Variants in WSCD1 observed in about 807,000 individuals in gnomAD.
The protein encoded by WSCD1 is sialate:O-sulfotransferase 1.
WSCD1 carries 41 observed loss-of-function variants against 60.4 expected under a neutral mutation model. The observed-to-expected ratio is 0.68, with a 90% CI of 0.53 to 0.88. The LOEUF (loss-of-function observed/expected upper bound fraction) is 0.88. Ranked by LOEUF, WSCD1 falls within the 40% of genes least tolerant of loss-of-function variation. The pLI is 0.00. For missense variants in WSCD1, 784 were observed against 796.2 expected (o/e 0.98, Z 0.18); for synonymous variants, 361 against 332.5 (o/e 1.09, Z -0.93).
At chr17:6,078,998 T>C (rs1023250729) in intron 1 of WSCD1, among the ~76,000 whole-genome samples, 6 of 152,180 alleles carry the variant, frequency 3.9e-5, no homozygotes, top group Non-Finnish European at 8.8e-5. Flanking sequence ...CCACCTTCAT[T>C]TGCTGATTAC....
chr17:6,083,886 C>A (rs1426164877), intron 2 of WSCD1, among the ~76,000 whole-genome samples: 2 of 152,140 alleles, frequency 1.3e-5, no homozygotes, highest in Non-Finnish European at 2.9e-5. Context: ...AGTGAGCCCC[C>A]CTTTACTTTA....
intron 5 of WSCD1, among the ~76,000 whole-genome samples, chr17:6,097,912 C>T (rs543059703): frequency 6.6e-6 from 1 of 151,478 alleles, no homozygotes; most frequent in Admixed American, 6.6e-5. Context: ...TTCTGGGGGT[C>T]CTCCCTTTGT....
chr17:6,097,489 T>C (rs1910517585), intron 5 of WSCD1, among the ~76,000 whole-genome samples: 1 of 152,228 alleles, frequency 6.6e-6, no homozygotes, highest in African/African-American at 2.4e-5. Context: ...CACCCGCCCT[T>C]CTGCACTGAA....
rs770966805 is a variant in WSCD1 at position 6,123,120 on chromosome 17, G to A, written c.*2459G>A. The stretch of plus-strand genomic sequence containing the variant: ...CTCATCTACAGCTCTTAGCTTCTCA[G>A]TAAAGAGGATACTCTCCCAACCAGC... On this transcript the variant is annotated 3_prime_UTR_variant, in exon 9 of 9. Transcript: ENST00000317744. The A allele has an allele frequency of 2.0e-5, 3 of 152,210 alleles. No homozygotes were observed. The highest frequency in any genetic ancestry group is 4.8e-5 in the African/African-American group (2 of 41,438). The allele number at this position is 152,210 out of a possible 1,614,324, so 9.4% of individuals were successfully genotyped here.
At chr17:6,087,799 C>A (rs1254365364) in intron 2 of WSCD1, among the ~76,000 whole-genome samples, 191 bp from the exon 3 acceptor site, 1 of 152,228 alleles carries the variant, frequency 6.6e-6, no homozygotes, top group African/African-American at 2.4e-5. Context: ...GGGCAGGAAA[C>A]AAACAAGTGG....
At chr17:6,083,073 A>G (rs528739357) in intron 2 of WSCD1, among the ~76,000 whole-genome samples, 1 of 152,272 alleles carries the variant, frequency 6.6e-6, no homozygotes, top group South Asian at 2.1e-4. Flanking sequence ...CTCATTTGAC[A>G]CAGGCATGAT....
chr17:6,108,473 T>C (rs988414632), intron 5 of WSCD1, among the ~76,000 whole-genome samples: 2 of 152,038 alleles, frequency 1.3e-5, no homozygotes, highest in African/African-American at 2.4e-5. Flanking sequence ...GGCTAGTGCC[T>C]GGGGCAGAGT....
At chr17:6,104,787 T>C (rs935293833) in intron 5 of WSCD1, among the ~76,000 whole-genome samples, 1 of 152,082 alleles carries the variant, frequency 6.6e-6, no homozygotes, top group African/African-American at 2.4e-5. Flanking sequence ...CTCTTAGGAG[T>C]TGAGCTGTGT....
chr17:6,095,995 T>C (rs1910398801), intron 5 of WSCD1, among the ~76,000 whole-genome samples: 1 of 152,154 alleles, frequency 6.6e-6, no homozygotes. Context: ...TACTTGGCAA[T>C]GTAATAGAAC....
chr17:6,081,127 C>A, intron 2 of WSCD1, 42 bp downstream of exon 2: 1 of 1,500,258 alleles, frequency 6.7e-7, no homozygotes, highest in Non-Finnish European at 8.9e-7. Context: ...TCCCAGGACC[C>A]CCCATTCAGG....
At chr17:6,083,502 C>T (rs574537976) in intron 2 of WSCD1, among the ~76,000 whole-genome samples, 1 of 152,344 alleles carries the variant, frequency 6.6e-6, no homozygotes, top group East Asian at 1.9e-4. Context: ...CCAGCAGCCT[C>T]CCAAAGCGCT....
chr17:6,120,240 G>GC (rs1172764013), intron 8 of WSCD1, 69 bp from the exon 9 acceptor site: 111 of 1,533,824 alleles, frequency 7.2e-5, no homozygotes, highest in Non-Finnish European at 8.6e-5. Context: ...CTCCCGAGCA[G>GC]CCCCCCGGGG....
chr17:6,119,662 G>A (rs973868507), intron 8 of WSCD1, among the ~76,000 whole-genome samples: 4 of 152,108 alleles, frequency 2.6e-5, no homozygotes, highest in African/African-American at 9.7e-5. Flanking sequence ...CCTCTTATGA[G>A]CCGTATAACT....
chr17:6,082,265 T>C (rs1327506862), intron 2 of WSCD1, among the ~76,000 whole-genome samples: 2 of 152,118 alleles, frequency 1.3e-5, no homozygotes. Context: ...ATTTGGGATG[T>C]GATCCCAGGG....
At chr17:6,107,192 G>A (rs113276356) in intron 5 of WSCD1, among the ~76,000 whole-genome samples, 502 of 152,186 alleles carry the variant, frequency 3.3e-3, no homozygotes, top group Non-Finnish European at 4.2e-3. Context: ...GACCTTTGTC[G>A]TATTAGATTA....
At chr17:6,097,633 C>T (rs1910528228) in intron 5 of WSCD1, among the ~76,000 whole-genome samples, 2 of 152,256 alleles carry the variant, frequency 1.3e-5, no homozygotes, top group South Asian at 4.1e-4. Flanking sequence ...TTCCAGCCTT[C>T]ACAAACGATG....
chr17:6,073,289 C>T (rs1229606186), intron 1 of WSCD1, among the ~76,000 whole-genome samples: 3 of 152,168 alleles, frequency 2.0e-5, no homozygotes, highest in Non-Finnish European at 4.4e-5. Flanking sequence ...CTTTCAGCAC[C>T]AGGTGGAAGA....
Position 6,110,887 on chromosome 17 carries a change from G to GAGCATGTATAGAGTA in WSCD1, c.1126_1127insAGCATGTATAGAGTA (p.Gly376delinsGluHisValTer). The GAGCATGTATAGAGTA allele has an allele frequency of 6.2e-7, 1 of 1,613,806 alleles. No homozygotes were observed. The highest frequency in any genetic ancestry group is 8.5e-7 in the Non-Finnish European group (1 of 1,179,742). On this transcript the variant is annotated stop_gained and protein_altering_variant, in exon 7 of 9. Transcript: ENST00000317744. LOFTEE classifies it high-confidence loss of function. The surrounding 1 kb of genome is among the most constrained non-coding windows in gnomAD (Gnocchi z 4.8). Reference sequence around the variant, plus strand: ...ACGGCACCTCATTGAGCATGCCACTGGCTTCTATACAGGGAGCTACTACTT... The same window carrying GAGCATGTATAGAGTA: ...ACGGCACCTCATTGAGCATGCCACTGAGCATGTATAGAGTAGCTTCTATACAGGGAGCTACTACTT...
intron 1 of WSCD1, among the ~76,000 whole-genome samples, chr17:6,074,065 A>G (rs1356315131): frequency 1.3e-5 from 2 of 152,208 alleles, no homozygotes; most frequent in Admixed American, 1.3e-4. Flanking sequence ...CTGGAACTCT[A>G]ATATGGTATG....
Sources: gnomAD v4.1 joint callset for allele counts (sites outside exome capture counted in the v4.1 genomes callset) on GRCh38, gnomAD v4.1.1 for gene constraint, Gnocchi (gnomAD v3.1) non-coding constraint, MANE v1.5 for transcripts, NCBI Gene and HGNC (gene_info 2026-07-23, HGNC 2026-07-21) for gene names.